The following WWOX variants were observed in gnomAD, a reference collection of about 807,000 sequenced individuals.
WWOX encodes the protein WW domain-containing oxidoreductase.
In WWOX, 69 loss-of-function variants were observed where a neutral mutation model predicts 46.2. The observed-to-expected ratio is 1.49, with a 90% CI of 1.23 to 1.82. WWOX has a LOEUF of 1.82. WWOX is among the 40% of genes most tolerant of loss of function. WWOX has a pLI of 0.00. For missense variants in WWOX, 919 were observed against 542.6 expected (o/e 1.69, Z -6.89); for synonymous variants, 359 against 202.6 (o/e 1.77, Z -6.56).
At chr16:79,111,269 A>G (rs746200963) in intron 8 of WWOX, among the ~76,000 whole-genome samples, 2 of 152,242 alleles carry the variant, frequency 1.3e-5, no homozygotes, top group Non-Finnish European at 2.9e-5. Flanking sequence ...CACAGGTGAC[A>G]CTGTATCTGC....
Position 78,256,853 on chromosome 16 carries a change from G to A in WWOX, c.516+92564G>A, listed in dbSNP as rs116707868. Among the ~76,000 whole-genome samples, 643 of 152,050 alleles carry A rather than the reference G, an allele frequency of 4.2e-3. 3 individuals are homozygous for A. Among genetic ancestry groups the A allele is most frequent in the African/African-American group, 0.015 (609 of 41,462 alleles). ...TACCTGTAGAAGTCTCTATCATTTC[G>A]TAGTCTATGTAAATGTTGACCAACT... is the stretch of plus-strand genomic sequence containing the variant. On this transcript the variant is annotated intron_variant, in intron 5 of 8. Coordinates refer to ENST00000566780, the MANE Select transcript of WWOX (RefSeq NM_016373.4).
At chr16:78,572,419 A>AC in intron 8 of WWOX, among the ~76,000 whole-genome samples, 1 of 152,012 alleles carries the variant, frequency 6.6e-6, no homozygotes. Context: ...ACATACTGAG[A>AC]CCCCATCTCT....
At chr16:78,212,358 A>C (rs573064613) in intron 5 of WWOX, among the ~76,000 whole-genome samples, 2 of 152,366 alleles carry the variant, frequency 1.3e-5, no homozygotes, top group Admixed American at 6.5e-5. Context: ...GCCATCCCCA[A>C]ATTCAAAAGG....
chr16:78,518,310 C>A (rs1195300201), intron 8 of WWOX, among the ~76,000 whole-genome samples: 2 of 152,172 alleles, frequency 1.3e-5, no homozygotes, highest in Non-Finnish European at 2.9e-5. Flanking sequence ...CAACTCACCG[C>A]AGCCTCCGCC....
chr16:78,366,731 C>T (rs1346411749), intron 5 of WWOX, among the ~76,000 whole-genome samples: 1 of 152,082 alleles, frequency 6.6e-6, no homozygotes, highest in Non-Finnish European at 1.5e-5. Flanking sequence ...CTATCTGGCC[C>T]TTTAGAGAAA....
At chr16:78,966,308 G>C (rs1264481835) in intron 8 of WWOX, among the ~76,000 whole-genome samples, 1 of 152,138 alleles carries the variant, frequency 6.6e-6, no homozygotes, top group Non-Finnish European at 1.5e-5. Flanking sequence ...GTTTCAGATG[G>C]AACCAAATGG....
At chr16:78,385,286 C>A (rs2082039446) in intron 5 of WWOX, among the ~76,000 whole-genome samples, 1 of 152,208 alleles carries the variant, frequency 6.6e-6, no homozygotes, top group Non-Finnish European at 1.5e-5. Context: ...GTCCACTGTG[C>A]TGGACTATAA....
intron 8 of WWOX, among the ~76,000 whole-genome samples, chr16:78,987,039 A>G (rs1204622886): frequency 6.6e-6 from 1 of 152,116 alleles, no homozygotes; most frequent in Admixed American, 6.5e-5. Flanking sequence ...AAATGATCCT[A>G]GGGCTTTCTT....
chr16:78,595,289 T>C (rs1029042361), intron 8 of WWOX, among the ~76,000 whole-genome samples: 1 of 42,992 alleles, frequency 2.3e-5, no homozygotes, highest in African/African-American at 4.3e-5. Context: ...GGAAATGTCT[T>C]TTTTTTTTTC....
chr16:79,160,456 T>C lies in WWOX; in HGVS notation c.1057-51152T>C, dbSNP rs140987862. 5.1e-4 allele frequency among the ~76,000 whole-genome samples: 78 copies of C among 152,160 alleles called. 1 individual carries two copies. In the East Asian group the frequency reaches 9.3e-3, roughly 18 times the overall value. ...CATCATCTGTAAAACAGAGATCAGA[T>C]GAACCCTCGATATTAATATCAATAA... On this transcript the variant is annotated intron_variant, in intron 8 of 8. Coordinates refer to ENST00000566780, the MANE Select transcript of WWOX (RefSeq NM_016373.4).
At chr16:79,175,344 A>G (rs572739495) in intron 8 of WWOX, among the ~76,000 whole-genome samples, 56 of 152,298 alleles carry the variant, frequency 3.7e-4, no homozygotes, top group Admixed American at 3.1e-3. Context: ...CACTTACTGT[A>G]AGGTATCTAA....
intron 8 of WWOX, among the ~76,000 whole-genome samples, chr16:78,692,983 C>G (rs140370845): frequency 3.9e-5 from 6 of 152,172 alleles, no homozygotes; most frequent in African/African-American, 7.2e-5. Flanking sequence ...ATGCCTTTTG[C>G]TATGGGGTTG....
intron 8 of WWOX, among the ~76,000 whole-genome samples, chr16:78,842,006 C>G (rs773902051): frequency 6.6e-6 from 1 of 152,154 alleles, no homozygotes; most frequent in Non-Finnish European, 1.5e-5. Flanking sequence ...ATATAAGAGA[C>G]ACACTATAAA....
chr16:78,385,580 C>A (rs2082044546), intron 5 of WWOX, among the ~76,000 whole-genome samples: 1 of 152,004 alleles, frequency 6.6e-6, no homozygotes, highest in Admixed American at 6.6e-5. Flanking sequence ...GGATTAGAGC[C>A]CAGGACTTGG....
At chr16:79,018,680 C>G (rs928696432) in intron 8 of WWOX, among the ~76,000 whole-genome samples, 1 of 152,122 alleles carries the variant, frequency 6.6e-6, no homozygotes. Flanking sequence ...TCAATGTGGG[C>G]CGCCTCCTCC....
intron 8 of WWOX, chr16:79,090,065 A>T (rs1398577640): frequency 6.6e-6 from 1 of 152,056 alleles, no homozygotes; most frequent in Non-Finnish European, 1.5e-5. Context: ...GCTCATGGGA[A>T]CCCAGCTGGA....
intron 8 of WWOX, among the ~76,000 whole-genome samples, chr16:78,673,534 T>C (rs1001171472): frequency 6.6e-6 from 1 of 152,090 alleles, no homozygotes; most frequent in African/African-American, 2.4e-5. Context: ...CATACTTGAT[T>C]GGAAAGAGAA....
chr16:78,317,192 A>G (rs960448363), intron 5 of WWOX, among the ~76,000 whole-genome samples: 1 of 152,186 alleles, frequency 6.6e-6, no homozygotes, highest in African/African-American at 2.4e-5. Flanking sequence ...GTGTTTGGAA[A>G]GGTGAATAGG....
At chr16:79,004,955 G>C (rs1319117614) in intron 8 of WWOX, among the ~76,000 whole-genome samples, 3 of 152,128 alleles carry the variant, frequency 2.0e-5, no homozygotes, top group Non-Finnish European at 4.4e-5. Flanking sequence ...GTTTCAGAAA[G>C]GAGGAGTTGT....
Sources: allele counts gnomAD v4.1 joint callset (sites outside exome capture counted in the v4.1 genomes callset), GRCh38; gene constraint gnomAD v4.1.1; transcripts MANE v1.5; gene names NCBI Gene and HGNC (gene_info 2026-07-23, HGNC 2026-07-21).